Variants in LIN37 observed in about 807,000 individuals in gnomAD.
LIN37 encodes the protein protein lin-37 homolog.
LIN37 carries 21 observed loss-of-function variants against 38.0 expected under a neutral mutation model. The ratio of observed to expected loss-of-function variants is 0.55; its 90% CI spans 0.39 to 0.80. The LOEUF is 0.80. Among genes scored for constraint, LIN37 ranks in the 30% least tolerant of loss-of-function variants. The pLI is 0.00. For missense variants in LIN37, 273 were observed against 338.5 expected, an observed-to-expected ratio of 0.81 and a Z score of 1.52; for synonymous variants, 126 against 122.9, an observed-to-expected ratio of 1.03 and a Z score of -0.17.
intron 6 of LIN37, chr19:35,753,476 G>C (rs1970709607): frequency 1.6e-6 from 1 of 637,326 alleles, no homozygotes; most frequent in South Asian, 1.8e-5. Context: ...ACAGGGAACA[G>C]GGTTACCCTG....
At chr19:35,750,462 C>T (rs1399464933) in intron 1 of LIN37, among the ~76,000 whole-genome samples, 1 of 152,192 alleles carries the variant, frequency 6.6e-6, no homozygotes, top group African/African-American at 2.4e-5. Context: ...GTGTCCCCTC[C>T]AGGCTCTGAG....
intron 1 of LIN37, 45 bp downstream of exon 1, chr19:35,748,803 C>CA (rs1970638546): frequency 9.3e-6 from 15 of 1,613,332 alleles, no homozygotes; most frequent in African/African-American, 1.3e-5. Flanking sequence ...ATCGGGTTGA[C>CA]AGGGTGTGGA....
Position 35,752,846 on chromosome 19 carries a change from G to A in LIN37, c.191+13G>A, listed in dbSNP as rs761487499. On this transcript the variant is annotated intron_variant, in intron 4 of 8. Coordinates refer to ENST00000301159, the MANE Select transcript of LIN37 (RefSeq NM_019104.3). The stretch of plus-strand genomic sequence containing the variant: ...CCACTGGCAAAAGGTAAGGTGGCAG[G>A]GTCCCAGCCAGCTGACTAGAGGCTC... 4 of 1,605,280 alleles carry A rather than the reference G, an allele frequency of 2.5e-6. No homozygotes were observed. The Admixed American group carries it at 6.8e-5, about 27-fold the overall frequency.
intron 6 of LIN37, 38 bp downstream of exon 6, chr19:35,753,291 G>A: frequency 6.5e-7 from 1 of 1,539,694 alleles, no homozygotes; most frequent in East Asian, 2.4e-5. Flanking sequence ...GCAGCCTGGT[G>A]CCAGGGCAGT....
chr19:35,750,765 G>C (rs1970671158), intron 1 of LIN37, among the ~76,000 whole-genome samples: 1 of 151,990 alleles, frequency 6.6e-6, no homozygotes, highest in South Asian at 2.1e-4. Flanking sequence ...TTTGAGATCA[G>C]CCTGGTCAAT....
At chr19:35,748,927 G>A (rs1970640707) in intron 1 of LIN37, 169 bp downstream of exon 1, 3 of 1,519,490 alleles carry the variant, frequency 2.0e-6, no homozygotes, top group East Asian at 2.4e-5. Context: ...ACACCCTCCC[G>A]GTGTGCGCTT....
At chr19:35,753,325 T>G in intron 6 of LIN37, 72 bp downstream of exon 6, 6 of 1,479,714 alleles carry the variant, frequency 4.1e-6, no homozygotes, top group South Asian at 2.4e-5. Context: ...CAAAGGATCC[T>G]GCCCCTAAGC....
chr19:35,753,851 C>T lies in LIN37; in HGVS notation c.445-166C>T. The T allele has an allele frequency of 5.6e-6, 4 of 717,660 alleles. No individual in the cohort carries two copies. The South Asian group carries it at 7.3e-5, about 13-fold the overall frequency. The allele number at this position is 717,660 out of a possible 1,614,324, so 44.5% of individuals were successfully genotyped here. ...GTCCCTGGGGCAGGCACACTTGACC[C>T]GCTGGCTGGTTGAGGTGTCTGCCCT... On this transcript the variant is annotated intron_variant, in intron 6 of 8. Transcript: ENST00000301159.
chr19:35,754,212 A>C, intron 7 of LIN37, 34 bp from the exon 8 acceptor site: 1 of 1,613,980 alleles, frequency 6.2e-7, no homozygotes. Context: ...GGGCTCAGGA[A>C]TGGCCACTCA....
At chr19:35,749,446 C>A (rs1019860062) in intron 1 of LIN37, among the ~76,000 whole-genome samples, 1 of 151,964 alleles carries the variant, frequency 6.6e-6, no homozygotes, top group African/African-American at 2.4e-5. Context: ...AGAATTTAGA[C>A]AGAAAGATAA....
At chr19:35,749,159 C>T in intron 1 of LIN37, 1 of 294,476 alleles carries the variant, frequency 3.4e-6, no homozygotes, top group Non-Finnish European at 5.4e-6. Context: ...TCCCAAAGTG[C>T]TGAGATTACA....
In LIN37 at chr19:35,752,398, TG is replaced by T. The variant is rs776498330; in HGVS notation, c.111-34del. The T allele has an allele frequency of 2.5e-6, 4 of 1,612,690 alleles. No individual in the cohort carries two copies. In the African/African-American group the frequency reaches 5.3e-5, roughly 22 times the overall value. ...TCGGTGCCTTCCTTCTCTGGGGCCC[TG>T]GAACCCTGAGCTGAGAGATCTCTTC... is the stretch of plus-strand genomic sequence containing the variant. On this transcript the variant is annotated intron_variant, in intron 2 of 8. Coordinates refer to ENST00000301159, the MANE Select transcript of LIN37 (RefSeq NM_019104.3).
At position 35,753,257 on chromosome 19, in the gene LIN37, G is replaced by A; in HGVS notation, c.444+4G>A. The A allele has an allele frequency of 6.5e-7, 1 of 1,546,470 alleles. No individual in the cohort carries two copies. Reference sequence around the variant, plus strand: ...CCCGCTGCCTGAGGATGAGGAGGTGGGATGGGTAGTGGGTCCCAGCCCAGC... The same window carrying A: ...CCCGCTGCCTGAGGATGAGGAGGTGAGATGGGTAGTGGGTCCCAGCCCAGC... On this transcript the variant is annotated splice_donor_region_variant and intron_variant, in intron 6 of 8. Transcript: ENST00000301159.
In LIN37 at chr19:35,754,123, T is replaced by C. The variant is rs372693905; in HGVS notation, c.551T>C (p.Leu184Pro). ...DACRSRIPSPLQPEMQGTPDD... is the reference protein window; with the variant it reads ...DACRSRIPSPPQPEMQGTPDD... ...TGCAGATCCCGCATCCCATCTCCAC[T>C]GCAGCCTGAGATGCAGGGCACCCCT... Residue 184 changes from leucine (L) to proline (P), a missense_variant, in exon 7 of 9, where the codon CTG becomes CCG. By Grantham distance (98) the Leu-to-Pro change is moderately conservative (BLOSUM62 -3). Transcript: ENST00000301159. The C allele has an allele frequency of 8.1e-6, 13 of 1,613,864 alleles. No homozygotes were observed. The highest frequency in any genetic ancestry group is 1.1e-5 in the Non-Finnish European group (13 of 1,179,882).
intron 1 of LIN37, chr19:35,749,106 T>C: frequency 1.6e-6 from 1 of 627,236 alleles, no homozygotes. Context: ...TTGCCCAGGC[T>C]GGTCTCGAAC....
intron 3 of LIN37, 141 bp from the exon 4 acceptor site, chr19:35,752,663 A>G: frequency 3.8e-6 from 5 of 1,301,454 alleles, no homozygotes; most frequent in Middle Eastern, 2.3e-4. Context: ...CTAGACCCCC[A>G]TGGGTATGGG....
intron 1 of LIN37, among the ~76,000 whole-genome samples, chr19:35,750,664 T>A (rs1208201703): frequency 6.6e-6 from 1 of 150,654 alleles, no homozygotes; most frequent in Non-Finnish European, 1.5e-5. Context: ...ATGTTTTAGG[T>A]GAAATCTCCC....
At position 35,748,661 on chromosome 19, in the gene LIN37, G is replaced by A; in HGVS notation, c.-64G>A. 2 of 1,610,284 alleles carry A rather than the reference G, an allele frequency of 1.2e-6. No individual in the cohort carries two copies. Among genetic ancestry groups the A allele is most frequent in the Non-Finnish European group, 1.7e-6 (2 of 1,176,692 alleles). ...AACTGTCCCCGCCTTCTCCCGCCTT[G>A]ACTTGTGACCCTAGGCCCTTTGGGG... On this transcript the variant is annotated 5_prime_UTR_variant, in exon 1 of 9. Coordinates refer to ENST00000301159, the MANE Select transcript of LIN37 (RefSeq NM_019104.3).
chr19:35,751,027 T>C (rs1225721003), intron 1 of LIN37, among the ~76,000 whole-genome samples: 1 of 151,140 alleles, frequency 6.6e-6, no homozygotes, highest in Non-Finnish European at 1.5e-5. Flanking sequence ...AATTCAGATT[T>C]AAAATTATAC....
Sources: allele counts gnomAD v4.1 joint callset (sites outside exome capture counted in the v4.1 genomes callset), GRCh38; gene constraint gnomAD v4.1.1; transcripts MANE v1.5; gene names NCBI Gene and HGNC (gene_info 2026-07-23, HGNC 2026-07-21).